The following KIAA0825 variants were observed in gnomAD, a reference collection of about 807,000 sequenced individuals.
KIAA0825 encodes the protein KIAA0825.
In KIAA0825, 119 loss-of-function variants were observed where a neutral mutation model predicts 147.6. The observed-to-expected ratio is 0.81, with a 90% CI of 0.69 to 0.94. KIAA0825 has a LOEUF of 0.94. Ranked by LOEUF, KIAA0825 falls within the 40% of genes least tolerant of loss-of-function variation. KIAA0825 has a pLI of 0.00. For missense variants in KIAA0825, 1,381 were observed against 1,472.7 expected (o/e 0.94, Z 1.02); for synonymous variants, 470 against 518.1 (o/e 0.91, Z 1.26).
chr5:94,388,773 T>G (rs559986693), intron 18 of KIAA0825, among the ~76,000 whole-genome samples: 1 of 152,350 alleles, frequency 6.6e-6, no homozygotes, highest in East Asian at 1.9e-4. Context: ...AACTGTGACA[T>G]TGCTTTAATC....
chr5:94,227,012 A>C (rs201350954), intron 20 of KIAA0825, among the ~76,000 whole-genome samples: 1 of 152,156 alleles, frequency 6.6e-6, no homozygotes, highest in African/African-American at 2.4e-5. Flanking sequence ...ATCCAGAACT[A>C]GAAATACCAT....
intron 20 of KIAA0825, among the ~76,000 whole-genome samples, chr5:94,300,843 G>A (rs546622444): frequency 6.6e-6 from 1 of 152,234 alleles, no homozygotes; most frequent in South Asian, 2.1e-4. Flanking sequence ...ATTTTAGGGG[G>A]TTAGGGAGGA....
intron 14 of KIAA0825, among the ~76,000 whole-genome samples, chr5:94,425,132 A>C (rs557431872): frequency 5.3e-5 from 8 of 152,170 alleles, no homozygotes; most frequent in Admixed American, 5.2e-4. Flanking sequence ...AACTCATTCT[A>C]TGAGGCCAGC....
At chr5:94,375,985 A>G (rs1372963346) in intron 20 of KIAA0825, among the ~76,000 whole-genome samples, 2 of 152,348 alleles carry the variant, frequency 1.3e-5, no homozygotes, top group South Asian at 2.1e-4. Flanking sequence ...CCTAGAAGGA[A>G]GTGATTAAGA....
chr5:94,433,176 T>C (rs1391988791), intron 14 of KIAA0825, among the ~76,000 whole-genome samples: 1 of 152,076 alleles, frequency 6.6e-6, no homozygotes, highest in Non-Finnish European at 1.5e-5. Context: ...TACAGGCGCC[T>C]GCCACCACAC....
At chr5:94,275,506 T>C (rs1448031353) in intron 20 of KIAA0825, among the ~76,000 whole-genome samples, 1 of 152,084 alleles carries the variant, frequency 6.6e-6, no homozygotes, top group Non-Finnish European at 1.5e-5. Context: ...AGAAAGAATA[T>C]GGTTACAATT....
At chr5:94,553,535 C>T (rs1406479435) in intron 2 of KIAA0825, among the ~76,000 whole-genome samples, 1 of 151,202 alleles carries the variant, frequency 6.6e-6, no homozygotes, top group Non-Finnish European at 1.5e-5. Context: ...GAGGCCAAGG[C>T]GGGTCGATCA....
chr5:94,558,750 C>G (rs776620502), intron 2 of KIAA0825, among the ~76,000 whole-genome samples: 1 of 152,134 alleles, frequency 6.6e-6, no homozygotes, highest in Non-Finnish European at 1.5e-5. Flanking sequence ...TTCTTCCTCC[C>G]CTTCTTCTCT....
At chr5:94,510,058 T>A (rs1451058756) in intron 5 of KIAA0825, among the ~76,000 whole-genome samples, 1 of 152,178 alleles carries the variant, frequency 6.6e-6, no homozygotes, top group East Asian at 1.9e-4. Context: ...CTGACAACGA[T>A]CATCAAAAAA....
intron 2 of KIAA0825, among the ~76,000 whole-genome samples, chr5:94,574,540 T>G (rs1407694212): frequency 1.8e-5 from 1 of 54,616 alleles, no homozygotes; most frequent in Non-Finnish European, 2.9e-5. Context: ...TAAGACTCCA[T>G]CTCAAAAAAA....
chr5:94,529,687 CT>C (rs1199963637), intron 3 of KIAA0825, among the ~76,000 whole-genome samples: 1 of 151,976 alleles, frequency 6.6e-6, no homozygotes, highest in Non-Finnish European at 1.5e-5. Context: ...GCTCTCTCTA[CT>C]ATTTGAAATT....
intron 1 of KIAA0825, among the ~76,000 whole-genome samples, chr5:94,612,537 ACAAG>A (rs889917644): frequency 2.5e-4 from 38 of 151,974 alleles, no homozygotes; most frequent in African/African-American, 8.0e-4. Flanking sequence ...TTCATTCTTC[ACAAG>A]CAGTCTCCCC....
At chr5:94,558,955 C>T (rs1777065895) in intron 2 of KIAA0825, among the ~76,000 whole-genome samples, 1 of 152,182 alleles carries the variant, frequency 6.6e-6, no homozygotes, top group Admixed American at 6.5e-5. Context: ...CTTTTGTCAT[C>T]CATCATACTT....
At chr5:94,356,483 G>A (rs1432304108) in intron 20 of KIAA0825, among the ~76,000 whole-genome samples, 1 of 151,306 alleles carries the variant, frequency 6.6e-6, no homozygotes, top group Non-Finnish European at 1.5e-5. Context: ...GTGGTCGCGG[G>A]CGCCTGTAGT....
At chr5:94,370,702 C>T (rs756422961) in intron 20 of KIAA0825, among the ~76,000 whole-genome samples, 20 of 151,922 alleles carry the variant, frequency 1.3e-4, no homozygotes, top group Non-Finnish European at 5.9e-5. Context: ...GTCAGGAGAT[C>T]GAGATCATCC....
intron 5 of KIAA0825, among the ~76,000 whole-genome samples, chr5:94,504,303 C>T (rs975649837): frequency 1.3e-5 from 2 of 152,108 alleles, no homozygotes; most frequent in African/African-American, 4.8e-5. Flanking sequence ...TTGTGAAGCA[C>T]CTCTCTTTAA....
chr5:94,246,045 A>G (rs1321750806), intron 20 of KIAA0825, among the ~76,000 whole-genome samples: 2 of 152,178 alleles, frequency 1.3e-5, no homozygotes, highest in African/African-American at 2.4e-5. Context: ...AGAGAATAAT[A>G]TCACAATAAT....
chr5:94,251,305 G>A (rs1012030909), intron 20 of KIAA0825, among the ~76,000 whole-genome samples: 19 of 152,182 alleles, frequency 1.2e-4, no homozygotes, highest in African/African-American at 4.3e-4. Flanking sequence ...TTGGCGGAAC[G>A]TCAGCCCTCT....
chr5:94,484,448 T>C (rs1399995194), intron 6 of KIAA0825, among the ~76,000 whole-genome samples: 1 of 151,772 alleles, frequency 6.6e-6, no homozygotes, highest in Non-Finnish European at 1.5e-5. Context: ...AAAGAAAAGA[T>C]ACTAGACCAC....
Sources: gnomAD v4.1 joint callset for allele counts (sites outside exome capture counted in the v4.1 genomes callset) on GRCh38, gnomAD v4.1.1 for gene constraint, MANE v1.5 for transcripts, NCBI Gene and HGNC (gene_info 2026-07-23, HGNC 2026-07-21) for gene names.